NRG3: variants seen among roughly 807,000 people sequenced by gnomAD.
NRG3 encodes neuregulin 3, also known as pro-neuregulin-3, membrane-bound isoform.
In NRG3, 31 loss-of-function variants were observed where a neutral mutation model predicts 66.9. That is an observed-to-expected ratio of 0.46 (90% confidence interval 0.35 to 0.63). The LOEUF (loss-of-function observed/expected upper bound fraction) is 0.63, where lower values mean the gene tolerates loss of function less well. Among genes scored for constraint, NRG3 ranks in the 20% least tolerant of loss-of-function variants. The pLI, the probability that NRG3 is intolerant of heterozygous loss-of-function variation, is 0.00. For synonymous variants in NRG3, 393 were observed against 359.4 expected (o/e 1.09, Z -1.06); for missense variants, 910 against 878.9 (o/e 1.04, Z -0.45).
intron 1 of NRG3, among the ~76,000 whole-genome samples, chr10:82,153,707 G>A (rs2132831463): frequency 6.6e-6 from 1 of 151,876 alleles, no homozygotes; most frequent in East Asian, 1.9e-4. Flanking sequence ...CCTTTTCTCT[G>A]CCTCCTTGCC....
intron 1 of NRG3, among the ~76,000 whole-genome samples, chr10:81,890,954 C>T (rs1396563655): frequency 6.6e-6 from 1 of 152,132 alleles, no homozygotes. Context: ...CATCTGTTCC[C>T]CCTAGTAGAA....
At chr10:82,074,905 C>T (rs552573669) in intron 1 of NRG3, among the ~76,000 whole-genome samples, 32 of 152,154 alleles carry the variant, frequency 2.1e-4, no homozygotes, top group Non-Finnish European at 4.1e-4. Flanking sequence ...TCCAATATGA[C>T]TTTATCAAAC....
intron 2 of NRG3, among the ~76,000 whole-genome samples, chr10:82,623,323 T>G (rs1019791788): frequency 6.6e-6 from 1 of 152,186 alleles, no homozygotes; most frequent in African/African-American, 2.4e-5. Context: ...CATCAAGTCA[T>G]AAAAGTGTGC....
chr10:82,546,226 G>A (rs1479030561), intron 2 of NRG3, among the ~76,000 whole-genome samples: 1 of 152,130 alleles, frequency 6.6e-6, no homozygotes, highest in Non-Finnish European at 1.5e-5. Context: ...CCAAACTCCA[G>A]TTCTTAGCAA....
At chr10:82,732,850 A>T (rs1349245344) in intron 2 of NRG3, among the ~76,000 whole-genome samples, 1 of 152,188 alleles carries the variant, frequency 6.6e-6, no homozygotes, top group Non-Finnish European at 1.5e-5. Flanking sequence ...ATTTTCCCCA[A>T]CCAAGGACTG....
chr10:82,282,080 T>G (rs1056938861), intron 1 of NRG3, among the ~76,000 whole-genome samples: 1 of 151,942 alleles, frequency 6.6e-6, no homozygotes, highest in Non-Finnish European at 1.5e-5. Flanking sequence ...CAAGCAGAAA[T>G]GTAAATCAGG....
At chr10:82,029,016 C>A (rs2062444531) in intron 1 of NRG3, among the ~76,000 whole-genome samples, 1 of 151,988 alleles carries the variant, frequency 6.6e-6, no homozygotes, top group South Asian at 2.1e-4. Flanking sequence ...TGAGACCAGA[C>A]TGGCCAACAT....
At chr10:82,606,361 T>G (rs1016170888) in intron 2 of NRG3, among the ~76,000 whole-genome samples, 9 of 152,196 alleles carry the variant, frequency 5.9e-5, no homozygotes, top group African/African-American at 2.2e-4. Context: ...CAATTTAATT[T>G]CATTGTGATC....
At chr10:82,880,144 G>A (rs879276566) in intron 4 of NRG3, among the ~76,000 whole-genome samples, 1 of 152,152 alleles carries the variant, frequency 6.6e-6, no homozygotes, top group Non-Finnish European at 1.5e-5. Flanking sequence ...TGACTTCACA[G>A]GAGTTATCAC....
intron 4 of NRG3, among the ~76,000 whole-genome samples, chr10:82,868,684 G>T (rs1448317241): frequency 6.6e-6 from 1 of 152,068 alleles, no homozygotes; most frequent in Non-Finnish European, 1.5e-5. Context: ...AATATTCTCA[G>T]ATTTAACTTT....
intron 2 of NRG3, among the ~76,000 whole-genome samples, chr10:82,508,060 GT>G (rs575665544): frequency 6.6e-4 from 100 of 152,270 alleles, no homozygotes; most frequent in Non-Finnish European, 7.9e-4. Flanking sequence ...ATGTTCCAAA[GT>G]TTAAATTGAG....
At chr10:82,394,420 C>T (rs2086586939) in intron 2 of NRG3, among the ~76,000 whole-genome samples, 1 of 152,202 alleles carries the variant, frequency 6.6e-6, no homozygotes, top group Non-Finnish European at 1.5e-5. Flanking sequence ...AGGAAGCAAA[C>T]TCACTGTGGG....
At chr10:82,136,726 C>T (rs138147645) in intron 1 of NRG3, among the ~76,000 whole-genome samples, 11 of 152,234 alleles carry the variant, frequency 7.2e-5, no homozygotes, top group African/African-American at 2.4e-4. Flanking sequence ...GCTCTTTATT[C>T]AGCAGAACTT....
At chr10:82,561,150 TA>T (rs1235489896) in intron 2 of NRG3, among the ~76,000 whole-genome samples, 3 of 152,222 alleles carry the variant, frequency 2.0e-5, no homozygotes, top group Non-Finnish European at 4.4e-5. Flanking sequence ...AATTGTCTGC[TA>T]TTTAAAAAGA....
intron 4 of NRG3, among the ~76,000 whole-genome samples, chr10:82,876,951 A>G (rs1201040158): frequency 6.6e-6 from 1 of 151,616 alleles, no homozygotes; most frequent in East Asian, 2.0e-4. Flanking sequence ...TGAACCCTGG[A>G]GGCAGAGGTT....
intron 1 of NRG3, among the ~76,000 whole-genome samples, chr10:82,142,877 C>T (rs2069916974): frequency 6.7e-6 from 1 of 150,106 alleles, no homozygotes; most frequent in Non-Finnish European, 1.5e-5. Context: ...ACCTCAGCCT[C>T]CCAAGTAGCT....
rs560057194 is a variant in NRG3 at position 82,441,930 on chromosome 10, T to C, written c.953+83062T>C. ...ACTCTTGTCCCTTACAATTTTACTT[T>C]CTTTCCAGAGCTTGATAATTTAGTT... On this transcript the variant is annotated intron_variant, in intron 2 of 8. Coordinates refer to ENST00000372141, the MANE Select transcript of NRG3 (RefSeq NM_001010848.4). Among the ~76,000 whole-genome samples, 81 of 152,302 alleles carry C rather than the reference T, an allele frequency of 5.3e-4. 3 individuals are homozygous for C. The South Asian group carries it at 0.013, about 25-fold the overall frequency.
chr10:82,359,053 A>G (rs896034017), intron 2 of NRG3, among the ~76,000 whole-genome samples, 185 bp downstream of exon 2: 7 of 152,254 alleles, frequency 4.6e-5, no homozygotes, highest in Non-Finnish European at 8.8e-5. Flanking sequence ...GGAAGAAGAC[A>G]AAATGGAAAC....
intron 2 of NRG3, among the ~76,000 whole-genome samples, chr10:82,571,909 A>G (rs186123591): frequency 1.6e-4 from 24 of 151,816 alleles, no homozygotes; most frequent in South Asian, 4.1e-4. Context: ...TGTATAGACA[A>G]TGAATACCTT....
Sources: allele counts gnomAD v4.1 joint callset (sites outside exome capture counted in the v4.1 genomes callset), GRCh38; gene constraint gnomAD v4.1.1; transcripts MANE v1.5; gene names NCBI Gene and HGNC (gene_info 2026-07-23, HGNC 2026-07-21).